The following BCAS1 variants were observed in gnomAD, a reference collection of about 807,000 sequenced individuals.
BCAS1 encodes breast carcinoma-amplified sequence 1.
Under a neutral mutation model 65.4 loss-of-function variants are expected in BCAS1, and 46 were observed. The observed-to-expected ratio is 0.70, with a 90% CI of 0.55 to 0.90. The LOEUF (loss-of-function observed/expected upper bound fraction) is 0.90. Among genes scored for constraint, BCAS1 ranks in the 40% least tolerant of loss-of-function variants. The pLI, the probability that BCAS1 is intolerant of heterozygous loss-of-function variation, is 0.00. For synonymous variants in BCAS1, 298 were observed against 293.5 expected (o/e 1.02, Z -0.16); for missense variants, 793 against 771.2 (o/e 1.03, Z -0.33).
chr20:53,970,230 C>T (rs1793716137), intron 9 of BCAS1, among the ~76,000 whole-genome samples: 1 of 152,140 alleles, frequency 6.6e-6, no homozygotes, highest in Non-Finnish European at 1.5e-5. Context: ...GAGGTATCAA[C>T]CCATAAATCC....
intron 4 of BCAS1, 106 bp from the exon 5 acceptor site, chr20:53,996,156 A>T (rs2090903550): frequency 8.1e-7 from 1 of 1,228,368 alleles, no homozygotes; most frequent in African/African-American, 1.5e-5. Context: ...TTCCAGCCAT[A>T]CTTCTTCTGC....
At chr20:54,017,586 G>A (rs1168707217) in intron 4 of BCAS1, among the ~76,000 whole-genome samples, 4 of 152,006 alleles carry the variant, frequency 2.6e-5, no homozygotes, top group African/African-American at 9.7e-5. Flanking sequence ...AGTGGAGATG[G>A]AGTTTCACCA....
intron 12 of BCAS1, among the ~76,000 whole-genome samples, chr20:53,947,650 C>T (rs1449821622): frequency 6.6e-6 from 1 of 152,180 alleles, no homozygotes; most frequent in Non-Finnish European, 1.5e-5. Context: ...GAGCCCAAGC[C>T]ACTTCAGTCA....
intron 7 of BCAS1, among the ~76,000 whole-genome samples, chr20:53,990,913 C>T (rs984471129): frequency 6.6e-6 from 1 of 152,202 alleles, no homozygotes; most frequent in African/African-American, 2.4e-5. Context: ...TTCCCGCGGC[C>T]TCTTCCCACT....
intron 4 of BCAS1, among the ~76,000 whole-genome samples, chr20:53,997,769 C>T (rs1214528669): frequency 6.6e-6 from 1 of 152,106 alleles, no homozygotes; most frequent in Non-Finnish European, 1.5e-5. Flanking sequence ...TAAAACGTAT[C>T]CGGGCTGGGC....
chr20:54,004,219 C>T (rs1487847860), intron 4 of BCAS1, among the ~76,000 whole-genome samples: 3 of 152,174 alleles, frequency 2.0e-5, no homozygotes, highest in African/African-American at 7.2e-5. Flanking sequence ...GCGTTCTAGT[C>T]CTCTTTCCAT....
At chr20:54,033,122 A>G (rs547422143) in intron 3 of BCAS1, among the ~76,000 whole-genome samples, 3 of 151,240 alleles carry the variant, frequency 2.0e-5, no homozygotes, top group Non-Finnish European at 4.4e-5. Flanking sequence ...GATACAACAT[A>G]CCAGAATCTT....
intron 8 of BCAS1, among the ~76,000 whole-genome samples, chr20:53,981,844 A>G (rs1343973469): frequency 1.5e-5 from 2 of 137,144 alleles, no homozygotes; most frequent in African/African-American, 5.6e-5. Context: ...GTGTGTGTGT[A>G]TCATGTTCCT....
In BCAS1 at chr20:53,996,063, C is replaced by T. The variant is rs372790486; in HGVS notation, c.724-13G>A. ...CGTCAACTATGTCCTAGGGGCAAAA[C>T]AGTTGTCACAGTTGCCACTTGCTGA... On this transcript the variant is annotated splice_polypyrimidine_tract_variant and intron_variant, in intron 4 of 12. Transcript: ENST00000688948. 1.9e-6 allele frequency: 3 copies of T among 1,561,836 alleles called. No homozygotes were observed. Among genetic ancestry groups the T allele is most frequent in the African/African-American group, 1.4e-5 (1 of 72,842 alleles).
At chr20:53,986,431 G>C (rs1258621291) in intron 7 of BCAS1, among the ~76,000 whole-genome samples, 1 of 151,930 alleles carries the variant, frequency 6.6e-6, no homozygotes, top group Non-Finnish European at 1.5e-5. Context: ...AGTGAATATT[G>C]GTACTCATAA....
At chr20:54,000,617 G>A (rs1305329258) in intron 4 of BCAS1, among the ~76,000 whole-genome samples, 1 of 152,128 alleles carries the variant, frequency 6.6e-6, no homozygotes, top group African/African-American at 2.4e-5. Context: ...CCTACTTGAA[G>A]TTATCCTGTA....
chr20:53,954,579 T>C (rs2089644879), intron 11 of BCAS1, among the ~76,000 whole-genome samples: 1 of 152,242 alleles, frequency 6.6e-6, no homozygotes, highest in South Asian at 2.1e-4. Context: ...ATGTATATCG[T>C]TTTTTGTCAA....
rs148005853 is a variant in BCAS1, at chr20:53,970,463, T to C, written c.1318-3390A>G. Among the ~76,000 whole-genome samples, 387 of 152,374 alleles carry C rather than the reference T, an allele frequency of 2.5e-3. 2 individuals carry two copies. The highest frequency in any genetic ancestry group is 9.1e-3 in the African/African-American group (380 of 41,586). Reference sequence around the variant, plus strand: ...GAATTCAATTTTTATTTGGATAATTTTCCAAATTTCTCCTAGGCCAGGGCT... The same window carrying C: ...GAATTCAATTTTTATTTGGATAATTCTCCAAATTTCTCCTAGGCCAGGGCT... On this transcript the variant is annotated intron_variant, in intron 9 of 12. Coordinates refer to ENST00000688948, the MANE Select transcript of BCAS1 (RefSeq NM_001366298.2).
At chr20:53,964,847 G>C (rs1390233734) in intron 10 of BCAS1, among the ~76,000 whole-genome samples, 1 of 147,498 alleles carries the variant, frequency 6.8e-6, no homozygotes, top group African/African-American at 2.5e-5. Context: ...ACTTTTCCCT[G>C]TTTTAAATGA....
chr20:54,039,432 G>C (rs907037006), intron 3 of BCAS1, among the ~76,000 whole-genome samples: 1 of 151,332 alleles, frequency 6.6e-6, no homozygotes, highest in Non-Finnish European at 1.5e-5. Context: ...GATTCCAAAG[G>C]AATGTAGGCA....
At chr20:54,035,956 GA>G (rs1211699752) in intron 3 of BCAS1, among the ~76,000 whole-genome samples, 1 of 151,168 alleles carries the variant, frequency 6.6e-6, no homozygotes, top group Admixed American at 6.6e-5. Context: ...TGCCGAAAAA[GA>G]AAATCAAATA....
chr20:54,041,916 A>AAAAAAAAAAAC (rs2092006213), intron 3 of BCAS1, among the ~76,000 whole-genome samples: 1 of 148,358 alleles, frequency 6.7e-6, no homozygotes, highest in Admixed American at 6.7e-5. Context: ...CCCCAAAAAA[A>AAAAAAAAAAAC]AAAAAAAAAA....
rs1053027207 is a variant in BCAS1 at position 53,944,038 on chromosome 20, T to A, written c.*884A>T. On this transcript the variant is annotated 3_prime_UTR_variant, in exon 13 of 13. Coordinates refer to ENST00000688948, the MANE Select transcript of BCAS1 (RefSeq NM_001366298.2). Reference sequence around the variant, plus strand: ...AAGCAATTGTTTTCCCAAATCATTTTAAGCCCTCCCCAGTCAATCTTTTCC... The same window carrying A: ...AAGCAATTGTTTTCCCAAATCATTTAAAGCCCTCCCCAGTCAATCTTTTCC... The A allele has an allele frequency of 6.6e-6, 1 of 152,156 alleles. No homozygotes were observed. The highest frequency in any genetic ancestry group is 1.5e-5 in the Non-Finnish European group (1 of 68,020). 9.4% of individuals were successfully genotyped at this position (152,156 alleles called of 1,614,324 possible).
At chr20:53,952,346 G>A (rs1482522201) in intron 12 of BCAS1, among the ~76,000 whole-genome samples, 1 of 152,206 alleles carries the variant, frequency 6.6e-6, no homozygotes, top group Non-Finnish European at 1.5e-5. Flanking sequence ...GTGGTGAAGA[G>A]GGGCTTCCAT....
Sources: gnomAD v4.1 joint callset for allele counts (sites outside exome capture counted in the v4.1 genomes callset) on GRCh38, gnomAD v4.1.1 for gene constraint, MANE v1.5 for transcripts, NCBI Gene and HGNC (gene_info 2026-07-23, HGNC 2026-07-21) for gene names.